The following SHISA5 variants were observed in gnomAD, a reference collection of about 807,000 sequenced individuals.
SHISA5 encodes protein shisa-5.
A neutral mutation model predicts 27.5 loss-of-function variants in SHISA5; 21 were observed. The observed-to-expected ratio is 0.76, with a 90% confidence interval of 0.54 to 1.10. The LOEUF (loss-of-function observed/expected upper bound fraction) is 1.10. Among genes scored for constraint, SHISA5 ranks in the 50% least tolerant of loss-of-function variants. The pLI, the probability that SHISA5 is intolerant of heterozygous loss-of-function variation, is 0.00. For synonymous variants in SHISA5, 137 were observed against 142.2 expected (o/e 0.96, Z 0.26); for missense variants, 314 against 336.3 (o/e 0.93, Z 0.52).
rs1198268670 is a variant in SHISA5, at chr3:48,493,335, T to TCAGAGGATGGCTTGAGCC, written c.233+7784_233+7801dup. ...ATCCCAGCTGCTCGGTAGGCTGAGGTCAGAGGATGGCTTGAGCCCAGGAGG... is the reference window on the plus strand; with the variant it reads ...ATCCCAGCTGCTCGGTAGGCTGAGGTCAGAGGATGGCTTGAGCCCAGAGGATGGCTTGAGCCCAGGAGG... On this transcript the variant is annotated intron_variant, in intron 2 of 5. Transcript: ENST00000296444. Among the ~76,000 whole-genome samples, 7 of 146,198 alleles carry TCAGAGGATGGCTTGAGCC rather than the reference T, an allele frequency of 4.8e-5. No individual in the cohort carries two copies. The South Asian group carries it at 1.3e-3, about 27-fold the overall frequency.
chr3:48,502,556 G>A (rs966016763), intron 1 of SHISA5: 11 of 352,262 alleles, frequency 3.1e-5, no homozygotes, highest in Middle Eastern at 4.3e-4. Flanking sequence ...GACAACAAAT[G>A]TGGAAAATAA....
chr3:48,469,542 C>T lies in SHISA5; in HGVS notation c.462G>A (p.Val154=). The T allele has an allele frequency of 6.8e-6, 11 of 1,611,706 alleles. No individual in the cohort carries two copies. The highest frequency in any genetic ancestry group is 8.5e-6 in the Non-Finnish European group (10 of 1,178,478). Residue 154 remains valine (V), a synonymous_variant, in exon 5 of 6, where the codon GTG becomes GTA. Transcript: ENST00000296444. The surrounding 1 kb of genome is among the most constrained non-coding windows in gnomAD (Gnocchi z 4.6). ...GAGGCTGAGGATAAGGGGCATGCAC[C>T]ACAGTGGTGGATGTGGTGGTGGTGA... is the stretch of plus-strand genomic sequence containing the variant. ...PVVTTTTSTT[V]VHAPYPQPPS... is the part of the protein sequence containing the mutation.
chr3:48,496,122 T>TAA (rs1311962170), intron 2 of SHISA5, among the ~76,000 whole-genome samples: 1 of 124,380 alleles, frequency 8.0e-6, no homozygotes, highest in African/African-American at 3.5e-5. Context: ...CCATCTCTGC[T>TAA]AAAAAAAAAA....
At chr3:48,492,036 A>G (rs890126765) in intron 2 of SHISA5, among the ~76,000 whole-genome samples, 2 of 147,730 alleles carry the variant, frequency 1.4e-5, no homozygotes, top group Admixed American at 6.7e-5. Context: ...TTTGCACTTT[A>G]GAGTTAAGAG....
At chr3:48,502,347 C>T in intron 1 of SHISA5, 1 of 456,412 alleles carries the variant, frequency 2.2e-6, no homozygotes, top group Non-Finnish European at 4.4e-6. Flanking sequence ...AAGCACTTAG[C>T]CCCGCGCTGG....
chr3:48,497,553 A>C (rs914358632), intron 2 of SHISA5, among the ~76,000 whole-genome samples: 4 of 151,002 alleles, frequency 2.6e-5, no homozygotes, highest in Non-Finnish European at 5.9e-5. Flanking sequence ...GAGCCACCGC[A>C]CCCGGCCAGA....
At chr3:48,502,020 C>T (rs1477880408) in intron 1 of SHISA5, among the ~76,000 whole-genome samples, 1 of 152,072 alleles carries the variant, frequency 6.6e-6, no homozygotes, top group African/African-American at 2.4e-5. Context: ...GCCACCAGGC[C>T]CAGCTAATTT....
chr3:48,503,839 G>C, intron 1 of SHISA5, 180 bp downstream of exon 1: 5 of 1,289,200 alleles, frequency 3.9e-6, no homozygotes, highest in Non-Finnish European at 4.9e-6. Flanking sequence ...GTTCAGGCAA[G>C]GAGGGTGCTG....
At chr3:48,485,782 G>A (rs372186652) in intron 2 of SHISA5, among the ~76,000 whole-genome samples, 17 of 151,404 alleles carry the variant, frequency 1.1e-4, no homozygotes, top group African/African-American at 3.6e-4. Flanking sequence ...ATCCAGAGAT[G>A]AGCCTGACAG....
At chr3:48,484,549 T>A (rs137860210) in intron 2 of SHISA5, among the ~76,000 whole-genome samples, 1 of 150,698 alleles carries the variant, frequency 6.6e-6, no homozygotes, top group Admixed American at 6.6e-5. Context: ...TGAGCTGAGA[T>A]TGTGCTACTC....
At chr3:48,488,928 T>C (rs985361599) in intron 2 of SHISA5, among the ~76,000 whole-genome samples, 3 of 151,614 alleles carry the variant, frequency 2.0e-5, no homozygotes, top group Non-Finnish European at 4.4e-5. Flanking sequence ...AGCCTATCCA[T>C]ACTGTAAATA....
intron 2 of SHISA5, 113 bp from the exon 3 acceptor site, chr3:48,479,370 TC>T: frequency 1.0e-6 from 1 of 954,240 alleles, no homozygotes; most frequent in South Asian, 1.5e-5. Flanking sequence ...ACCGGTGGCT[TC>T]AATGGCCTTC....
At chr3:48,472,219 G>A (rs1051949724) in intron 3 of SHISA5, among the ~76,000 whole-genome samples, 1 of 151,788 alleles carries the variant, frequency 6.6e-6, no homozygotes, top group African/African-American at 2.4e-5. Flanking sequence ...CAGGCGCAGT[G>A]GTTCATGCCT....
intron 3 of SHISA5, among the ~76,000 whole-genome samples, chr3:48,471,340 T>C (rs1266955373): frequency 6.6e-6 from 1 of 151,824 alleles, no homozygotes; most frequent in African/African-American, 2.4e-5. Flanking sequence ...TCCCAGCACT[T>C]TGGGAGGCCG....
chr3:48,482,280 C>T (rs1489443322), intron 2 of SHISA5, among the ~76,000 whole-genome samples: 1 of 151,964 alleles, frequency 6.6e-6, no homozygotes, highest in Non-Finnish European at 1.5e-5. Flanking sequence ...TAGCACACAC[C>T]TGTGGTCCCA....
intron 2 of SHISA5, among the ~76,000 whole-genome samples, chr3:48,495,530 C>T (rs1208659157): frequency 1.4e-5 from 2 of 145,148 alleles, no homozygotes; most frequent in Admixed American, 6.7e-5. Flanking sequence ...CCACTTTTTT[C>T]GGGGGCAGGG....
intron 2 of SHISA5, among the ~76,000 whole-genome samples, chr3:48,491,493 G>A (rs2041425440): frequency 6.6e-6 from 1 of 152,010 alleles, no homozygotes; most frequent in Non-Finnish European, 1.5e-5. Flanking sequence ...AGCGGTGCCC[G>A]GACCACCTTG....
intron 2 of SHISA5, among the ~76,000 whole-genome samples, chr3:48,495,051 C>T (rs949237363): frequency 6.8e-6 from 1 of 146,592 alleles, no homozygotes; most frequent in African/African-American, 2.7e-5. Flanking sequence ...AAGCGATCCT[C>T]CTACCTCAGC....
chr3:48,481,516 G>A (rs559818483), intron 2 of SHISA5, among the ~76,000 whole-genome samples: 1 of 149,394 alleles, frequency 6.7e-6, no homozygotes, highest in South Asian at 2.1e-4. Context: ...ATGTGGCCAG[G>A]TTGGTGGCTC....
Sources: gnomAD v4.1 joint callset for allele counts (sites outside exome capture counted in the v4.1 genomes callset) on GRCh38, gnomAD v4.1.1 for gene constraint, Gnocchi (gnomAD v3.1) non-coding constraint, MANE v1.5 for transcripts, NCBI Gene and HGNC (gene_info 2026-07-23, HGNC 2026-07-21) for gene names.